The following OCA2 variants were observed in gnomAD, a reference collection of about 807,000 sequenced individuals.
The protein encoded by OCA2 is OCA2 melanosomal transmembrane protein.
In OCA2, 77 loss-of-function variants were observed where a neutral mutation model predicts 100.2. The observed-to-expected ratio is 0.77, with a 90% confidence interval of 0.64 to 0.93. OCA2 has a LOEUF of 0.93. Ranked by LOEUF, OCA2 falls within the 40% of genes least tolerant of loss-of-function variation. The pLI is 0.00. For missense variants in OCA2, 1,062 were observed against 1,089.1 expected, an observed-to-expected ratio of 0.98 and a Z score of 0.35; for synonymous variants, 432 against 439.2, an observed-to-expected ratio of 0.98 and a Z score of 0.21.
At chr15:28,052,354 A>T (rs1233976917) in intron 2 of OCA2, among the ~76,000 whole-genome samples, 1 of 152,184 alleles carries the variant, frequency 6.6e-6, no homozygotes, top group Non-Finnish European at 1.5e-5. Flanking sequence ...CTCATTAGAA[A>T]CTTGTAAACT....
intron 21 of OCA2, among the ~76,000 whole-genome samples, chr15:27,866,296 C>T (rs147471836): frequency 2.0e-5 from 3 of 152,154 alleles, no homozygotes; most frequent in Non-Finnish European, 4.4e-5. Flanking sequence ...GCCCCAGCGT[C>T]GTGCTGAAGA....
chr15:27,721,752 G>T, the OCA2 span, among the ~76,000 whole-genome samples: 1 of 152,132 alleles, frequency 6.6e-6, no homozygotes, highest in Non-Finnish European at 1.5e-5. Context: ...AAGTGGAAAT[G>T]ACAAAAATTT....
intron 2 of OCA2, among the ~76,000 whole-genome samples, chr15:28,072,589 CAAAAAAAA>C (rs760224063): frequency 1.7e-5 from 1 of 60,072 alleles, no homozygotes; most frequent in Non-Finnish European, 3.9e-5. Flanking sequence ...GATTCCGTCT[CAAAAAAAA>C]AAAAAAAAAA....
At chr15:27,828,427 G>A (rs1035498894) in intron 23 of OCA2, among the ~76,000 whole-genome samples, 27 of 152,310 alleles carry the variant, frequency 1.8e-4, no homozygotes, top group African/African-American at 6.5e-4. Context: ...AAAAGCAGCT[G>A]CCCTGGGAAC....
intron 23 of OCA2, among the ~76,000 whole-genome samples, chr15:27,778,342 C>G (rs1378738342): frequency 6.6e-6 from 1 of 152,160 alleles, no homozygotes; most frequent in African/African-American, 2.4e-5. Flanking sequence ...CTCATACGCA[C>G]CAGGAGAATG....
the OCA2 span, among the ~76,000 whole-genome samples, chr15:27,747,900 G>A: frequency 1.3e-5 from 2 of 152,114 alleles, no homozygotes; most frequent in African/African-American, 4.8e-5. Context: ...AACTTGAGAT[G>A]ACCAAAGGAG....
chr15:28,070,425 G>A (rs1239009258), intron 2 of OCA2, among the ~76,000 whole-genome samples: 12 of 123,892 alleles, frequency 9.7e-5, no homozygotes, highest in South Asian at 5.7e-4. Flanking sequence ...CAGCCACCCC[G>A]TCCGGGAGGG....
chr15:27,721,554 T>G, the OCA2 span, among the ~76,000 whole-genome samples: 1 of 152,250 alleles, frequency 6.6e-6, no homozygotes, highest in Non-Finnish European at 1.5e-5. Context: ...TAATGAAAGT[T>G]AAATACTACT....
At chr15:27,993,749 A>G (rs735066) in intron 9 of OCA2, among the ~76,000 whole-genome samples, 88,644 of 151,624 alleles carry the variant, frequency 0.58, 30,945 homozygotes, top group Non-Finnish European at 0.79. Flanking sequence ...GTGAGTGCTT[A>G]GGACATGTGG....
Position 27,957,475 on chromosome 15 carries a change from T to A in OCA2, c.1784+113A>T. ...ATGTACTATAAGAGGCTTAGCACAG[T>A]GTGCGTCACCTAAATATCACGTATT... is the stretch of plus-strand genomic sequence containing the variant. On this transcript the variant is annotated intron_variant, in intron 16 of 23. Coordinates refer to ENST00000354638, the MANE Select transcript of OCA2 (RefSeq NM_000275.3). The surrounding 1 kb of genome is among the most constrained non-coding windows in gnomAD (Gnocchi z 4.3). The A allele has an allele frequency of 7.9e-7, 1 of 1,261,598 alleles. No individual in the cohort carries two copies. The highest frequency in any genetic ancestry group is 1.1e-6 in the Non-Finnish European group (1 of 870,064). The allele number at this position is 1,261,598 out of a possible 1,614,324, so 78.2% of individuals were successfully genotyped here.
At chr15:27,841,648 G>A (rs1341691223) in intron 23 of OCA2, among the ~76,000 whole-genome samples, 1 of 152,136 alleles carries the variant, frequency 6.6e-6, no homozygotes, top group Non-Finnish European at 1.5e-5. Flanking sequence ...CTTAAAAATA[G>A]TCACAACATA....
In OCA2 at chr15:28,072,325, C is replaced by A. The variant is rs527369767; in HGVS notation, c.227+9323G>T. 3.3e-5 allele frequency among the ~76,000 whole-genome samples: 5 copies of A among 152,088 alleles called. No homozygotes were observed. The East Asian group carries it at 7.7e-4, about 24-fold the overall frequency. On this transcript the variant is annotated intron_variant, in intron 2 of 23. Coordinates refer to ENST00000354638, the MANE Select transcript of OCA2 (RefSeq NM_000275.3). ...GTGGAGCAGGCCGGGTGCGGTGGCT[C>A]ACGCCTGTAATCCCAGCACTTTGGG... is the stretch of plus-strand genomic sequence containing the variant.
chr15:28,014,880 C>T lies in OCA2; in HGVS notation c.940G>A (p.Val314Ile). 6.2e-7 allele frequency: 1 copy of T among 1,614,190 alleles called. No homozygotes were observed. The highest frequency in any genetic ancestry group is 8.5e-7 in the Non-Finnish European group (1 of 1,180,038). ...IRASLQQTQA[V>I]PLLMAHQYLR... is the part of the protein sequence containing the mutation. ...TACTGATGAGCCATCAAAAGAGGGA[C>T]AGCCTGGGTCTGCTGCAGGGAGGCC... Residue 314 changes from valine (V) to isoleucine (I), a missense_variant, in exon 9 of 24, where the codon GTC becomes ATC. Transcript: ENST00000354638.
chr15:27,938,286 A>G (rs190865753), intron 18 of OCA2, among the ~76,000 whole-genome samples: 240 of 152,304 alleles, frequency 1.6e-3, no homozygotes, highest in Admixed American at 3.1e-3. Context: ...CACCTGCCTC[A>G]GCTTACGTGC....
At chr15:28,082,766 C>T (rs1030114732) in intron 1 of OCA2, among the ~76,000 whole-genome samples, 1 of 152,008 alleles carries the variant, frequency 6.6e-6, no homozygotes, top group Non-Finnish European at 1.5e-5. Context: ...GGTCCTTTTT[C>T]TTTGGTTTTG....
intron 11 of OCA2, among the ~76,000 whole-genome samples, chr15:27,988,059 ACG>A (rs754000009): frequency 5.4e-4 from 82 of 152,272 alleles, no homozygotes; most frequent in South Asian, 8.3e-4. Flanking sequence ...TCACGTGAAT[ACG>A]CATGAGGAGA....
At chr15:27,813,440 ACACT>A (rs1323402586) in intron 23 of OCA2, among the ~76,000 whole-genome samples, 1 of 152,130 alleles carries the variant, frequency 6.6e-6, no homozygotes, top group Non-Finnish European at 1.5e-5. Flanking sequence ...ACACAGATAC[ACACT>A]CACAGCCTAT....
intron 9 of OCA2, among the ~76,000 whole-genome samples, chr15:28,010,316 A>G (rs1211526871): frequency 6.6e-6 from 1 of 152,228 alleles, no homozygotes; most frequent in Non-Finnish European, 1.5e-5. Context: ...CTTTCCCTTT[A>G]AGATTGAGAA....
chr15:28,096,501 G>A (rs775754376), intron 1 of OCA2, among the ~76,000 whole-genome samples: 1 of 152,176 alleles, frequency 6.6e-6, no homozygotes, highest in Non-Finnish European at 1.5e-5. Flanking sequence ...GGCCAAGAAG[G>A]CCTGAAGAAG....
Sources: allele counts gnomAD v4.1 joint callset (sites outside exome capture counted in the v4.1 genomes callset), GRCh38; gene constraint gnomAD v4.1.1; non-coding constraint Gnocchi (gnomAD v3.1); transcripts MANE v1.5; gene names NCBI Gene and HGNC (gene_info 2026-07-23, HGNC 2026-07-21).